The following DROSHA variants were observed in gnomAD, a reference collection of about 807,000 sequenced individuals.
DROSHA encodes drosha ribonuclease III.
DROSHA carries 56 observed loss-of-function variants against 181.9 expected under a neutral mutation model. The observed-to-expected ratio is 0.31, with a 90% CI of 0.25 to 0.38. DROSHA has a LOEUF of 0.38. DROSHA is among the 10% of genes least tolerant of loss of function. DROSHA has a pLI of 1.00. For missense variants in DROSHA, 1,218 were observed against 1,743.5 expected, an observed-to-expected ratio of 0.70 and a Z score of 5.37; for synonymous variants, 524 against 591.2, an observed-to-expected ratio of 0.89 and a Z score of 1.65.
At chr5:31,465,182 C>T (rs1748866224) in intron 19 of DROSHA, among the ~76,000 whole-genome samples, 1 of 152,192 alleles carries the variant, frequency 6.6e-6, no homozygotes, top group African/African-American at 2.4e-5. Flanking sequence ...AACACTTTTT[C>T]CAGCTTCAAA....
chr5:31,497,514 T>A lies in DROSHA; in HGVS notation c.1669-2142A>T, dbSNP rs58281096. On this transcript the variant is annotated intron_variant, in intron 11 of 35. Transcript: ENST00000344624. Reference sequence around the variant, plus strand: ...GGGCCTGGAAGGATCTTAAGAATAATTTTGGCATGTGCCTGGTGGCAATTT... The same window carrying A: ...GGGCCTGGAAGGATCTTAAGAATAAATTTGGCATGTGCCTGGTGGCAATTT... Among the ~76,000 whole-genome samples the A allele has an allele frequency of 0.021, 3,271 of 152,256 alleles. 188 individuals carry two copies. In the East Asian group the frequency reaches 0.22, roughly 10 times the overall value.
At chr5:31,486,598 G>T in intron 13 of DROSHA, 36 bp from the exon 14 acceptor site, 1 of 1,589,178 alleles carries the variant, frequency 6.3e-7, no homozygotes, top group Admixed American at 1.7e-5. Context: ...GTTCCCCAAC[G>T]TCTCCCTGCA....
chr5:31,517,186 T>A (rs1261997945), intron 6 of DROSHA, among the ~76,000 whole-genome samples: 2 of 152,250 alleles, frequency 1.3e-5, no homozygotes. Context: ...GCAAATTTTT[T>A]AAAATTATGA....
At position 31,511,022 on chromosome 5, in the gene DROSHA, GA is replaced by G. The variant is rs1249661469; in HGVS notation, c.1432+12del. The stretch of plus-strand genomic sequence containing the variant: ...TCGCAAGGGTCTCAGGCTAGTTAGT[GA>G]CTCTGACTCACCTAAATCTTCATCG... On this transcript the variant is annotated intron_variant, in intron 9 of 35. Transcript: ENST00000344624. 3.1e-6 allele frequency: 5 copies of G among 1,613,670 alleles called. No homozygotes were observed.
At position 31,429,373 on chromosome 5, in the gene DROSHA, T is replaced by C. The variant is rs755535261; in HGVS notation, c.3216+102A>G. On this transcript the variant is annotated intron_variant, in intron 27 of 35. Coordinates refer to ENST00000344624, the MANE Select transcript of DROSHA (RefSeq NM_001382508.1). ...GTCCCATCTATGGTAGATCTGACTA[T>C]TTTGTTTCTCCTATATTCTCTTCAA... 9.6e-5 allele frequency: 107 copies of C among 1,114,552 alleles called. No homozygotes were observed. The South Asian group carries it at 1.4e-3, about 15-fold the overall frequency. 69.0% of individuals were successfully genotyped at this position (1,114,552 alleles called of 1,614,324 possible).
Position 31,421,266 on chromosome 5 carries a change from A to G in DROSHA, c.3525+6T>C. 6.2e-7 allele frequency: 1 copy of G among 1,609,008 alleles called. No individual in the cohort carries two copies. The highest frequency in any genetic ancestry group is 8.5e-7 in the Non-Finnish European group (1 of 1,175,720). On this transcript the variant is annotated splice_donor_region_variant and intron_variant, in intron 30 of 35. Transcript: ENST00000344624. ...CTTATTGGAGGAAGTGATTTAACCA[A>G]CTCACAGTTAAGTGTCCTTCATGAT... is the stretch of plus-strand genomic sequence containing the variant.
At chr5:31,501,408 C>T (rs1308570039) in intron 11 of DROSHA, among the ~76,000 whole-genome samples, 1 of 151,904 alleles carries the variant, frequency 6.6e-6, no homozygotes, top group African/African-American at 2.4e-5. Context: ...ACACTGGGTC[C>T]TTGACATGTG....
chr5:31,457,148 G>A (rs1747773930), intron 20 of DROSHA, among the ~76,000 whole-genome samples: 1 of 105,874 alleles, frequency 9.4e-6, no homozygotes, highest in Non-Finnish European at 1.8e-5. Context: ...TTTTTTTATG[G>A]AGTCTTACTC....
rs539673771 is a variant in DROSHA, at chr5:31,428,281, GT to G, written c.3216+1193del. 4.2e-3 allele frequency among the ~76,000 whole-genome samples: 638 copies of G among 151,512 alleles called. 4 individuals carry two copies. The highest frequency in any genetic ancestry group is 0.015 in the African/African-American group (611 of 41,266). ...GATGGGAGAAGAGGACAGGGAGGAG[GT>G]GGGGGTGGGGGAAGGAGTCTAAAGG... On this transcript the variant is annotated intron_variant, in intron 27 of 35. Transcript: ENST00000344624.
intron 6 of DROSHA, among the ~76,000 whole-genome samples, chr5:31,515,862 T>A (rs2150057394): frequency 6.6e-6 from 1 of 152,174 alleles, no homozygotes; most frequent in East Asian, 1.9e-4. Flanking sequence ...TAATATTAAC[T>A]CAGTCAATAA....
intron 5 of DROSHA, among the ~76,000 whole-genome samples, chr5:31,523,202 A>G (rs1306997088): frequency 6.6e-6 from 1 of 152,252 alleles, no homozygotes; most frequent in East Asian, 1.9e-4. Flanking sequence ...CATTCCACCT[A>G]ATTAATATCC....
intron 23 of DROSHA, among the ~76,000 whole-genome samples, chr5:31,446,446 C>CAAAAAAAAAAAAAAAAAAAAAA (rs60001713): frequency 1.7e-5 from 1 of 59,346 alleles, no homozygotes; most frequent in African/African-American, 5.5e-5. Flanking sequence ...GACTCTGTCT[C>CAAAAAAAAAAAAAAAAAAAAAA]AAAAAAAAAA....
intron 16 of DROSHA, among the ~76,000 whole-genome samples, chr5:31,473,518 G>A (rs563966858): frequency 1.3e-5 from 2 of 151,906 alleles, no homozygotes; most frequent in South Asian, 4.2e-4. Flanking sequence ...ACCGTTCTAG[G>A]CCCTGAGAAC....
intron 13 of DROSHA, among the ~76,000 whole-genome samples, chr5:31,487,703 C>A (rs1282132240): frequency 1.3e-5 from 2 of 152,060 alleles, no homozygotes; most frequent in Admixed American, 1.3e-4. Context: ...TCTTATAATG[C>A]CATCTACTGG....
intron 13 of DROSHA, among the ~76,000 whole-genome samples, chr5:31,489,479 T>C (rs954976775): frequency 5.3e-5 from 8 of 152,336 alleles, no homozygotes; most frequent in Admixed American, 3.3e-4. Context: ...CTATTCAAAC[T>C]GTAATCTCTC....
At chr5:31,449,251 G>C in intron 22 of DROSHA, 30 bp downstream of exon 22, 1 of 1,611,248 alleles carries the variant, frequency 6.2e-7, no homozygotes, top group Non-Finnish European at 8.5e-7. Context: ...CAAAATAGGA[G>C]ATTCACATCT....
intron 11 of DROSHA, among the ~76,000 whole-genome samples, chr5:31,501,764 G>A (rs1753598159): frequency 1.3e-5 from 2 of 152,178 alleles, no homozygotes; most frequent in Admixed American, 1.3e-4. Context: ...CAGAAATGAG[G>A]ATCAGAATGG....
At chr5:31,490,615 CAAGACCTTAA>C (rs1251652939) in intron 13 of DROSHA, among the ~76,000 whole-genome samples, 2 of 152,232 alleles carry the variant, frequency 1.3e-5, no homozygotes, top group Non-Finnish European at 2.9e-5. Flanking sequence ...CACTTCAATT[CAAGACCTTAA>C]GAGAACTTAT....
In DROSHA at chr5:31,464,282, C is replaced by T. The variant is rs777769407; in HGVS notation, c.2528G>A (p.Ser843Asn). The T allele has an allele frequency of 6.8e-6, 11 of 1,613,418 alleles. No individual in the cohort carries two copies. The highest frequency in any genetic ancestry group is 1.1e-5 in the South Asian group (1 of 91,028). ...TMRREVTVEL[S>N]SQGFWKTGIR... ...GCCAGTTTTCCAGAATCCTTGGCTA[C>T]TTAGCTCCACCGTTACTTCTCGTCT... Residue 843 changes from serine to asparagine, a missense_variant, in exon 20 of 36, where the codon AGT becomes AAT. Coordinates refer to ENST00000344624, the MANE Select transcript of DROSHA (RefSeq NM_001382508.1).
Sources: gnomAD v4.1 joint callset for allele counts (sites outside exome capture counted in the v4.1 genomes callset) on GRCh38, gnomAD v4.1.1 for gene constraint, MANE v1.5 for transcripts, NCBI Gene and HGNC (gene_info 2026-07-23, HGNC 2026-07-21) for gene names.